Variants in PTPRN2 observed in about 807,000 individuals in gnomAD.
PTPRN2 encodes the protein receptor-type tyrosine-protein phosphatase N2.
PTPRN2 carries 74 observed loss-of-function variants against 118.8 expected under a neutral mutation model. The observed-to-expected ratio is 0.62, with a 90% confidence interval of 0.52 to 0.76. The LOEUF (loss-of-function observed/expected upper bound fraction) is 0.76. Ranked by LOEUF, PTPRN2 falls within the 30% of genes least tolerant of loss-of-function variation. PTPRN2 has a pLI of 0.00. For synonymous variants in PTPRN2, 641 were observed against 608.0 expected, an observed-to-expected ratio of 1.05 and a Z score of -0.80; for missense variants, 1,481 against 1,394.4, an observed-to-expected ratio of 1.06 and a Z score of -0.99.
chr7:157,705,548 A>C (rs1272880476), intron 12 of PTPRN2, among the ~76,000 whole-genome samples: 1 of 152,130 alleles, frequency 6.6e-6, no homozygotes, highest in South Asian at 2.1e-4. Context: ...GAATGCTGGG[A>C]ATTGAGTGAA....
intron 22 of PTPRN2, 25 bp downstream of exon 22, chr7:157,548,921 G>T: frequency 6.2e-7 from 1 of 1,609,122 alleles, no homozygotes; most frequent in Non-Finnish European, 8.5e-7. Context: ...ATGGGTCTGC[G>T]TCCCGGAGGA....
At chr7:157,819,936 C>G (rs1006930026) in intron 12 of PTPRN2, among the ~76,000 whole-genome samples, 1 of 151,840 alleles carries the variant, frequency 6.6e-6, no homozygotes, top group African/African-American at 2.4e-5. Flanking sequence ...AGCCCAGGCA[C>G]TCACACATAC....
chr7:157,735,151 T>C (rs1296645814), intron 12 of PTPRN2, among the ~76,000 whole-genome samples: 1 of 152,234 alleles, frequency 6.6e-6, no homozygotes, highest in Non-Finnish European at 1.5e-5. Flanking sequence ...CAGTCCTGTG[T>C]TGCTCCCGTG....
intron 11 of PTPRN2, among the ~76,000 whole-genome samples, chr7:158,039,338 A>G (rs551305597): frequency 6.6e-6 from 1 of 152,208 alleles, no homozygotes; most frequent in South Asian, 2.1e-4. Context: ...GAGGAAAAGA[A>G]AAAGCTGAGA....
intron 1 of PTPRN2, 78 bp downstream of exon 1, chr7:158,587,480 C>A: frequency 2.0e-6 from 2 of 1,004,870 alleles, no homozygotes; most frequent in Non-Finnish European, 2.4e-6. Context: ...CCACCCAGAC[C>A]CCCTCACGGA....
chr7:158,135,371 G>A (rs972491736), intron 8 of PTPRN2, among the ~76,000 whole-genome samples: 11 of 152,168 alleles, frequency 7.2e-5, no homozygotes, highest in Admixed American at 3.9e-4. Context: ...GGATGTAGCC[G>A]TTGACGTTAC....
intron 12 of PTPRN2, among the ~76,000 whole-genome samples, chr7:157,897,482 C>T (rs1479355801): frequency 6.6e-6 from 1 of 152,228 alleles, no homozygotes; most frequent in Non-Finnish European, 1.5e-5. Context: ...TGCCCAACAC[C>T]TCATTCATCC....
chr7:158,313,120 A>G (rs1467532076), intron 3 of PTPRN2, among the ~76,000 whole-genome samples: 1 of 151,728 alleles, frequency 6.6e-6, no homozygotes, highest in Non-Finnish European at 1.5e-5. Context: ...GTGTGTGCAA[A>G]TGTGTCTGTG....
intron 1 of PTPRN2, among the ~76,000 whole-genome samples, chr7:158,518,442 A>G (rs1056193415): frequency 2.6e-4 from 39 of 152,226 alleles, no homozygotes; most frequent in African/African-American, 8.7e-4. Flanking sequence ...TCAGTAGCTC[A>G]GGTGCCAAGT....
intron 5 of PTPRN2, among the ~76,000 whole-genome samples, chr7:158,176,369 C>T (rs117234674): frequency 0.011 from 1,601 of 152,182 alleles, 13 homozygotes; most frequent in Non-Finnish European, 0.019. Flanking sequence ...TTCAATGACT[C>T]GATGGTACAG....
At chr7:158,383,353 C>T (rs562043078) in intron 2 of PTPRN2, among the ~76,000 whole-genome samples, 16 of 152,268 alleles carry the variant, frequency 1.1e-4, no homozygotes, top group African/African-American at 3.1e-4. Context: ...TGCTTCAGAA[C>T]AGAGCAATCA....
chr7:157,841,297 G>A (rs866332794), intron 12 of PTPRN2, among the ~76,000 whole-genome samples: 48 of 152,360 alleles, frequency 3.2e-4, no homozygotes, highest in South Asian at 1.5e-3. Flanking sequence ...GAACATCGGT[G>A]AAGAGACAAA....
chr7:157,737,859 C>A (rs1055886291), intron 12 of PTPRN2, among the ~76,000 whole-genome samples: 1 of 152,218 alleles, frequency 6.6e-6, no homozygotes. Flanking sequence ...ACCCCCGATG[C>A]GGGGAGGACC....
chr7:158,364,456 G>A (rs1019643771), intron 2 of PTPRN2, among the ~76,000 whole-genome samples: 3 of 151,858 alleles, frequency 2.0e-5, no homozygotes, highest in Admixed American at 6.6e-5. Flanking sequence ...TCGTATTCAG[G>A]TAAGTGTGAC....
Position 157,585,868 on chromosome 7 carries a change from G to A in PTPRN2, c.2497-7728C>T, listed in dbSNP as rs1302604196. Among the ~76,000 whole-genome samples, 4 of 152,150 alleles carry A rather than the reference G, an allele frequency of 2.6e-5. No individual in the cohort carries two copies. The highest frequency in any genetic ancestry group is 5.9e-5 in the Non-Finnish European group (4 of 68,028). The stretch of plus-strand genomic sequence containing the variant: ...TAAGAATCAGTCAGAAAGGAAAGCC[G>A]GACCTGTCCTTTCTACTTGAGTCCC... On this transcript the variant is annotated intron_variant, in intron 17 of 22. Transcript: ENST00000389418. This position sits in a 1 kb window ranked among gnomAD's most constrained non-coding sequence, Gnocchi z 5.2.
chr7:158,201,373 T>G (rs1426795954), intron 4 of PTPRN2, among the ~76,000 whole-genome samples: 1 of 152,202 alleles, frequency 6.6e-6, no homozygotes, highest in African/African-American at 2.4e-5. Flanking sequence ...CAGATGGGTT[T>G]TATTTGACCC....
chr7:157,758,470 C>T (rs1034704790), intron 12 of PTPRN2, among the ~76,000 whole-genome samples: 7 of 152,238 alleles, frequency 4.6e-5, no homozygotes, highest in South Asian at 2.1e-4. Flanking sequence ...GGCCCCAGAC[C>T]GTGGCCCCCG....
chr7:157,564,861 A>C (rs1799402700), intron 21 of PTPRN2, among the ~76,000 whole-genome samples: 1 of 152,216 alleles, frequency 6.6e-6, no homozygotes, highest in Admixed American at 6.5e-5. Flanking sequence ...ATCCACATTC[A>C]CAGCAGGATT....
chr7:158,255,633 G>A (rs1427674877), intron 3 of PTPRN2, among the ~76,000 whole-genome samples: 2 of 152,084 alleles, frequency 1.3e-5, no homozygotes, highest in Non-Finnish European at 2.9e-5. Context: ...GGATGCTTTG[G>A]AAATGTTTTT....
Sources: gnomAD v4.1 joint callset for allele counts (sites outside exome capture counted in the v4.1 genomes callset) on GRCh38, gnomAD v4.1.1 for gene constraint, Gnocchi (gnomAD v3.1) non-coding constraint, MANE v1.5 for transcripts, NCBI Gene and HGNC (gene_info 2026-07-23, HGNC 2026-07-21) for gene names.